Variants in COL4A4 observed in about 807,000 individuals in gnomAD.
COL4A4 encodes the protein collagen type IV alpha 4 chain, also known as collagen alpha-4(IV) chain.
A neutral mutation model predicts 192.9 loss-of-function variants in COL4A4; 105 were observed. The observed-to-expected ratio is 0.54, with a 90% CI of 0.46 to 0.64. The LOEUF is 0.64. Among genes scored for constraint, COL4A4 ranks in the 30% least tolerant of loss-of-function variants. The probability of loss-of-function intolerance (pLI) is 0.00; values close to 1 mark genes in which losing one functional copy is unlikely to be tolerated. For missense variants in COL4A4, 1,967 were observed against 2,169.3 expected (o/e 0.91, Z 1.85); for synonymous variants, 762 against 769.9 (o/e 0.99, Z 0.17).
At chr2:226,977,225 C>G in the COL4A4 span, among the ~76,000 whole-genome samples, 2 of 152,294 alleles carry the variant, frequency 1.3e-5, no homozygotes, top group East Asian at 1.9e-4. Flanking sequence ...TTTGTGTCTC[C>G]CCTTCGGCAA....
chr2:227,087,465 G>A (rs577308736), intron 22 of COL4A4, among the ~76,000 whole-genome samples: 1 of 152,054 alleles, frequency 6.6e-6, no homozygotes, highest in Non-Finnish European at 1.5e-5. Flanking sequence ...CATGGCAACT[G>A]CCTTCTTCCA....
At chr2:227,132,641 TG>T (rs2062554794) in intron 4 of COL4A4, among the ~76,000 whole-genome samples, 1 of 152,034 alleles carries the variant, frequency 6.6e-6, no homozygotes, top group Non-Finnish European at 1.5e-5. Flanking sequence ...CCGGGCATGG[TG>T]GTGTGTGCCT....
chr2:227,041,863 AAAGAAAGAAAGAAAGAAAGAAAG>A (rs1971402351), intron 37 of COL4A4, among the ~76,000 whole-genome samples: 1 of 126,166 alleles, frequency 7.9e-6, no homozygotes, highest in African/African-American at 3.3e-5. Flanking sequence ...AGAAAGAAAG[AAAGAAAGAAAGAAAGAAAGAAAG>A]AAAGAAAGAA....
At chr2:226,973,283 C>G in the COL4A4 span, among the ~76,000 whole-genome samples, 1 of 152,186 alleles carries the variant, frequency 6.6e-6, no homozygotes, top group East Asian at 1.9e-4. Flanking sequence ...ATGAGATTTG[C>G]CTGGCATCAA....
At chr2:226,981,219 G>A in the COL4A4 span, among the ~76,000 whole-genome samples, 53 of 152,294 alleles carry the variant, frequency 3.5e-4, no homozygotes, top group Non-Finnish European at 7.2e-4. Context: ...GCCTGTCATG[G>A]GGTGAGGGAT....
At chr2:227,088,583 A>C in intron 22 of COL4A4, 70 bp downstream of exon 22, 1 of 1,564,242 alleles carries the variant, frequency 6.4e-7, no homozygotes, top group Non-Finnish European at 8.8e-7. Context: ...TAGTATCTTT[A>C]TGGTAGTGTG....
chr2:227,055,627 G>T (rs1204051521), intron 30 of COL4A4, among the ~76,000 whole-genome samples: 2 of 152,146 alleles, frequency 1.3e-5, no homozygotes, highest in African/African-American at 4.8e-5. Context: ...CCCTAACAGG[G>T]GGTAGGGATG....
intron 4 of COL4A4, among the ~76,000 whole-genome samples, chr2:227,129,095 G>A (rs2062262227): frequency 6.6e-6 from 1 of 152,104 alleles, no homozygotes; most frequent in South Asian, 2.1e-4. Context: ...CAACACAACA[G>A]TGTGTTAATA....
the COL4A4 span, among the ~76,000 whole-genome samples, chr2:226,979,286 A>G: frequency 0.01 from 1,539 of 152,322 alleles, 12 homozygotes; most frequent in Non-Finnish European, 0.018. Flanking sequence ...TCACACAACC[A>G]GGAAAGATAA....
At chr2:227,120,596 G>C (rs923747064) in intron 5 of COL4A4, among the ~76,000 whole-genome samples, 1 of 152,022 alleles carries the variant, frequency 6.6e-6, no homozygotes, top group Non-Finnish European at 1.5e-5. Flanking sequence ...AGGAGTTCAG[G>C]GACTTCATTT....
At chr2:227,098,176 C>G (rs2060306706) in intron 19 of COL4A4, among the ~76,000 whole-genome samples, 1 of 151,956 alleles carries the variant, frequency 6.6e-6, no homozygotes, top group Non-Finnish European at 1.5e-5. Context: ...TTTTTACTTC[C>G]ACCTTTCATG....
intron 38 of COL4A4, among the ~76,000 whole-genome samples, chr2:227,033,180 A>G (rs1317588185): frequency 6.6e-6 from 1 of 152,232 alleles, no homozygotes; most frequent in African/African-American, 2.4e-5. Context: ...TACCAACAAA[A>G]GACACTGTTA....
chr2:227,156,572 A>C (rs1219658980), intron 1 of COL4A4, among the ~76,000 whole-genome samples: 1 of 152,138 alleles, frequency 6.6e-6, no homozygotes, highest in East Asian at 1.9e-4. Context: ...ACAAGGGATA[A>C]ATTTTTCAGT....
chr2:226,978,415 G>A, the COL4A4 span, among the ~76,000 whole-genome samples: 15 of 152,196 alleles, frequency 9.9e-5, no homozygotes, highest in Admixed American at 3.9e-4. Flanking sequence ...GCAAACTGGC[G>A]GAATATGAAG....
intron 4 of COL4A4, among the ~76,000 whole-genome samples, chr2:227,136,238 A>G (rs1275637483): frequency 2.0e-5 from 3 of 152,182 alleles, no homozygotes; most frequent in Non-Finnish European, 4.4e-5. Context: ...ACAGCAAAAG[A>G]GAAGCAGGTA....
At chr2:227,153,435 C>T (rs576006072) in intron 1 of COL4A4, among the ~76,000 whole-genome samples, 3 of 152,296 alleles carry the variant, frequency 2.0e-5, no homozygotes, top group South Asian at 4.1e-4. Flanking sequence ...TGTGTCAGAG[C>T]CCCACCTTCA....
chr2:227,077,111 C>G (rs2059064919), intron 25 of COL4A4, among the ~76,000 whole-genome samples: 1 of 152,098 alleles, frequency 6.6e-6, no homozygotes, highest in Non-Finnish European at 1.5e-5. Context: ...ATCAAAAATA[C>G]CATTTGACCC....
At chr2:227,135,243 GC>G (rs1559711614) in intron 4 of COL4A4, among the ~76,000 whole-genome samples, 2 of 131,854 alleles carry the variant, frequency 1.5e-5, no homozygotes, top group South Asian at 2.3e-4. Context: ...GGACCAACCA[GC>G]CCCCTCTAGG....
chr2:227,056,072 G>A lies in COL4A4; in HGVS notation c.2589C>T (p.Pro863=), dbSNP rs772517977. 59 of 1,613,910 alleles carry A rather than the reference G, an allele frequency of 3.7e-5. No homozygotes were observed. Among genetic ancestry groups the A allele is most frequent in the South Asian group, 8.8e-5 (8 of 91,076 alleles). Reference sequence around the variant, plus strand: ...GGAGGCCTTTCATTCCAGCTGGCCCGGGAGGCCCCACATCTCCCGGCTGTC... The same window carrying A: ...GGAGGCCTTTCATTCCAGCTGGCCCAGGAGGCCCCACATCTCCCGGCTGTC... The part of the protein sequence containing the change: ...GKGQPGDVGP[P]GPAGMKGLPG... Residue 863 remains proline (P), a synonymous_variant, in exon 30 of 48, where the codon CCC becomes CCT. Coordinates refer to ENST00000396625, the MANE Select transcript of COL4A4 (RefSeq NM_000092.5).
Sources: gnomAD v4.1 joint callset for allele counts (sites outside exome capture counted in the v4.1 genomes callset) on GRCh38, gnomAD v4.1.1 for gene constraint, MANE v1.5 for transcripts, NCBI Gene and HGNC (gene_info 2026-07-23, HGNC 2026-07-21) for gene names.